Variants in MAN2A1 observed in about 807,000 individuals in gnomAD.
MAN2A1 encodes the protein alpha-mannosidase 2.
MAN2A1 carries 76 observed loss-of-function variants against 142.6 expected under a neutral mutation model. The observed-to-expected ratio is 0.53, with a 90% confidence interval of 0.44 to 0.65. MAN2A1 has a LOEUF of 0.65. Among genes scored for constraint, MAN2A1 ranks in the 30% least tolerant of loss-of-function variants. The probability of loss-of-function intolerance (pLI) is 0.00; values close to 1 mark genes in which losing one functional copy is unlikely to be tolerated. For synonymous variants in MAN2A1, 559 were observed against 473.2 expected (o/e 1.18, Z -2.35); for missense variants, 1,311 against 1,365.1 (o/e 0.96, Z 0.62).
chr5:109,738,361 A>T (rs900964776), intron 4 of MAN2A1, among the ~76,000 whole-genome samples: 22 of 151,776 alleles, frequency 1.4e-4, no homozygotes, highest in Admixed American at 1.4e-3. Flanking sequence ...GCACTCCTAG[A>T]CTAAGATTTA....
At chr5:109,690,788 T>A (rs1750647070) in intron 1 of MAN2A1, among the ~76,000 whole-genome samples, 2 of 152,030 alleles carry the variant, frequency 1.3e-5, no homozygotes, top group Admixed American at 1.3e-4. Context: ...ATCATCCCGC[T>A]CAGGAAAGTG....
intron 16 of MAN2A1, among the ~76,000 whole-genome samples, chr5:109,841,363 T>C (rs1443044187): frequency 6.6e-6 from 1 of 152,204 alleles, no homozygotes. Flanking sequence ...TCCTCATAGC[T>C]TAGCTCCCAC....
chr5:109,837,196 C>T (rs1208822823), intron 16 of MAN2A1, among the ~76,000 whole-genome samples: 2 of 150,496 alleles, frequency 1.3e-5, no homozygotes, highest in Non-Finnish European at 3.0e-5. Flanking sequence ...AACTGCTGTG[C>T]AATAGAGTAT....
At chr5:109,768,142 A>T (rs929205058) in intron 6 of MAN2A1, among the ~76,000 whole-genome samples, 1 of 152,144 alleles carries the variant, frequency 6.6e-6, no homozygotes, top group Non-Finnish European at 1.5e-5. Context: ...TGTCCTCCTA[A>T]AACAGCCCTA....
intron 4 of MAN2A1, among the ~76,000 whole-genome samples, chr5:109,736,615 G>C (rs1319399622): frequency 1.3e-5 from 2 of 152,060 alleles, no homozygotes; most frequent in African/African-American, 4.8e-5. Context: ...TAGTTACTCA[G>C]ATTGTTTCTG....
intron 14 of MAN2A1, 63 bp downstream of exon 14, chr5:109,819,950 A>C: frequency 3.4e-6 from 4 of 1,188,618 alleles, no homozygotes; most frequent in Non-Finnish European, 4.7e-6. Flanking sequence ...ATGTGTGTAG[A>C]TTAATTAGGC....
intron 4 of MAN2A1, among the ~76,000 whole-genome samples, chr5:109,736,947 A>G (rs186722380): frequency 3.2e-4 from 48 of 152,220 alleles, no homozygotes; most frequent in African/African-American, 9.9e-4. Context: ...TTTCCTACAT[A>G]TTTAATAACT....
intron 5 of MAN2A1, among the ~76,000 whole-genome samples, chr5:109,757,343 A>G (rs1281383625): frequency 6.6e-6 from 1 of 152,192 alleles, no homozygotes; most frequent in Non-Finnish European, 1.5e-5. Flanking sequence ...AGTGGAATAT[A>G]TAAATCTTAA....
intron 8 of MAN2A1, among the ~76,000 whole-genome samples, chr5:109,777,096 C>T (rs2112660426): frequency 6.6e-6 from 1 of 152,222 alleles, no homozygotes; most frequent in East Asian, 1.9e-4. Flanking sequence ...TATGAGTTTA[C>T]ATGGGTATAA....
At chr5:109,787,374 C>T (rs1014846030) in intron 10 of MAN2A1, among the ~76,000 whole-genome samples, 2 of 151,814 alleles carry the variant, frequency 1.3e-5, no homozygotes, top group Admixed American at 6.6e-5. Context: ...GTGATTTTTC[C>T]CGAACCGTAT....
chr5:109,847,161 T>G (rs1250135507), intron 18 of MAN2A1, among the ~76,000 whole-genome samples: 1 of 152,170 alleles, frequency 6.6e-6, no homozygotes, highest in Non-Finnish European at 1.5e-5. Flanking sequence ...TTTTAAACAC[T>G]GCCTTAAATT....
At chr5:109,788,613 T>A (rs1453596452) in intron 10 of MAN2A1, among the ~76,000 whole-genome samples, 1 of 151,902 alleles carries the variant, frequency 6.6e-6, no homozygotes, top group African/African-American at 2.4e-5. Context: ...TTTGATAGAA[T>A]GCTTCAAAGT....
At chr5:109,756,636 T>G (rs563008695) in intron 5 of MAN2A1, among the ~76,000 whole-genome samples, 1 of 152,304 alleles carries the variant, frequency 6.6e-6, no homozygotes, top group East Asian at 1.9e-4. Context: ...TTCCGTGTTG[T>G]TGTAGTGGTG....
rs1326274750 is a variant in MAN2A1, at chr5:109,718,564, A to G, written c.535+2300A>G. On this transcript the variant is annotated intron_variant, in intron 3 of 21. Coordinates refer to ENST00000261483, the MANE Select transcript of MAN2A1 (RefSeq NM_002372.4). ...TAGCGGCAAAGAACATATGCCTCCT[A>G]TTAAACACACTCTCCTCATGGCCTA... 3.3e-5 allele frequency among the ~76,000 whole-genome samples: 5 copies of G among 152,168 alleles called. 1 individual carries two copies. Among genetic ancestry groups the G allele is most frequent in the African/African-American group, 1.2e-4 (5 of 41,434 alleles).
Position 109,690,403 on chromosome 5 carries a change from A to G in MAN2A1, c.-15A>G. On this transcript the variant is annotated 5_prime_UTR_variant, in exon 1 of 22. Transcript: ENST00000261483. Reference sequence around the variant, plus strand: ...GGCTGAGGAGAGTGTCCTGGCCCCGAGTCTATCGAGGAAAATGAAGTTAAG... The same window carrying G: ...GGCTGAGGAGAGTGTCCTGGCCCCGGGTCTATCGAGGAAAATGAAGTTAAG... 2 of 1,613,932 alleles carry G rather than the reference A, an allele frequency of 1.2e-6. No individual in the cohort carries two copies. Among genetic ancestry groups the G allele is most frequent in the Non-Finnish European group, 1.7e-6 (2 of 1,179,834 alleles).
intron 3 of MAN2A1, among the ~76,000 whole-genome samples, chr5:109,726,258 T>G (rs925829503): frequency 6.6e-6 from 1 of 152,212 alleles, no homozygotes; most frequent in Non-Finnish European, 1.5e-5. Flanking sequence ...TATAAAATAC[T>G]ATATTTCTGG....
At chr5:109,706,841 C>T (rs1342799677) in intron 1 of MAN2A1, among the ~76,000 whole-genome samples, 1 of 151,976 alleles carries the variant, frequency 6.6e-6, no homozygotes, top group Non-Finnish European at 1.5e-5. Context: ...CTTTTGAATG[C>T]TGCTATCGGT....
intron 12 of MAN2A1, among the ~76,000 whole-genome samples, chr5:109,804,751 C>G (rs997142638): frequency 6.6e-6 from 1 of 152,060 alleles, no homozygotes; most frequent in African/African-American, 2.4e-5. Flanking sequence ...TTGTTTTCTC[C>G]TCTATTCACC....
intron 1 of MAN2A1, among the ~76,000 whole-genome samples, chr5:109,695,913 T>C (rs555477630): frequency 6.6e-6 from 1 of 152,288 alleles, no homozygotes; most frequent in East Asian, 1.9e-4. Context: ...TGAGGATTAA[T>C]TGTACTGAAA....
Sources: gnomAD v4.1 joint callset for allele counts (sites outside exome capture counted in the v4.1 genomes callset) on GRCh38, gnomAD v4.1.1 for gene constraint, MANE v1.5 for transcripts, NCBI Gene and HGNC (gene_info 2026-07-23, HGNC 2026-07-21) for gene names.